ANKS1A: variants seen among roughly 807,000 people sequenced by gnomAD.
The protein encoded by ANKS1A is ankyrin repeat and sterile alpha motif domain containing 1A.
In ANKS1A, 55 loss-of-function variants were observed where a neutral mutation model predicts 120.3. The observed-to-expected ratio is 0.46, with a 90% CI of 0.37 to 0.57. ANKS1A has a LOEUF of 0.57. Among genes scored for constraint, ANKS1A ranks in the 20% least tolerant of loss-of-function variants. The probability of loss-of-function intolerance (pLI) is 0.00; values close to 1 mark genes in which losing one functional copy is unlikely to be tolerated. For synonymous variants in ANKS1A, 590 were observed against 604.7 expected (o/e 0.98, Z 0.36); for missense variants, 1,123 against 1,480.3 (o/e 0.76, Z 3.96).
In ANKS1A at chr6:34,982,066, C is replaced by A; in HGVS notation, c.732+80C>A. 1.3e-6 allele frequency: 2 copies of A among 1,514,324 alleles called. No individual in the cohort carries two copies. The highest frequency in any genetic ancestry group is 1.8e-6 in the Non-Finnish European group (2 of 1,122,316). 93.8% of individuals were successfully genotyped at this position (1,514,324 alleles called of 1,614,324 possible). ...AAGGCACAAGGACCATGCTGCTGGG[C>A]TGTGCTCTTTATTTAGCACGTTTCA... On this transcript the variant is annotated intron_variant, in intron 4 of 23. Transcript: ENST00000360359. The surrounding 1 kb of genome is among the most constrained non-coding windows in gnomAD (Gnocchi z 4.9).
At chr6:34,893,260 G>A (rs1171328973) in intron 1 of ANKS1A, among the ~76,000 whole-genome samples, 1 of 152,148 alleles carries the variant, frequency 6.6e-6, no homozygotes, top group Non-Finnish European at 1.5e-5. Context: ...CGGTTTTGCT[G>A]TGTTGCACCT....
At position 35,058,769 on chromosome 6, in the gene ANKS1A, A is replaced by G. The variant is rs1193136477; in HGVS notation, c.2078-1378A>G. ...TTCTTTCTTTCATCTGTTCTTGCCC[A>G]CAAGAATCAGAGAAGTAGGTTGGGG... On this transcript the variant is annotated intron_variant, in intron 12 of 23. Transcript: ENST00000360359. The surrounding 1 kb of genome is among the most constrained non-coding windows in gnomAD (Gnocchi z 5.1). 7 of 152,172 alleles carry G rather than the reference A, an allele frequency of 4.6e-5. No individual in the cohort carries two copies. Among genetic ancestry groups the G allele is most frequent in the African/African-American group, 1.7e-4 (7 of 41,402 alleles). The allele number at this position is 152,172 out of a possible 1,614,324, so 9.4% of individuals were successfully genotyped here.
Position 34,982,086 on chromosome 6 carries a change from G to A in ANKS1A, c.732+100G>A. On this transcript the variant is annotated intron_variant, in intron 4 of 23. Transcript: ENST00000360359. The surrounding 1 kb of genome is among the most constrained non-coding windows in gnomAD (Gnocchi z 4.9). ...CTGGGCTGTGCTCTTTATTTAGCACGTTTCACATCATGTTTCAAATGCTTA... is the reference window on the plus strand; with the variant it reads ...CTGGGCTGTGCTCTTTATTTAGCACATTTCACATCATGTTTCAAATGCTTA... 2.2e-6 allele frequency: 3 copies of A among 1,388,784 alleles called. No individual in the cohort carries two copies. Among genetic ancestry groups the A allele is most frequent in the East Asian group, 2.3e-5 (1 of 43,244 alleles). 86.0% of individuals were successfully genotyped at this position (1,388,784 alleles called of 1,614,324 possible). A position where few individuals can be genotyped will look rare whatever the true frequency, so the allele number is the denominator to read the frequency against.
At chr6:34,978,327 C>G (rs959147872) in intron 3 of ANKS1A, among the ~76,000 whole-genome samples, 1 of 152,146 alleles carries the variant, frequency 6.6e-6, no homozygotes, top group African/African-American at 2.4e-5. Context: ...GGGCTATTTC[C>G]TCTCACTCCA....
chr6:35,088,767 C>T lies in ANKS1A; in HGVS notation c.*158C>T. The T allele has an allele frequency of 1.3e-6, 2 of 1,558,336 alleles. No homozygotes were observed. Among genetic ancestry groups the T allele is most frequent in the Non-Finnish European group, 1.7e-6 (2 of 1,155,100 alleles). On this transcript the variant is annotated 3_prime_UTR_variant, in exon 24 of 24. Transcript: ENST00000360359. ...GCCACTTGGCCTGGGCCTGCCACCACCACGTCCTGCAGAACGAGCCCTGCC... is the reference window on the plus strand; with the variant it reads ...GCCACTTGGCCTGGGCCTGCCACCATCACGTCCTGCAGAACGAGCCCTGCC...
At chr6:34,922,323 G>C (rs930554541) in intron 1 of ANKS1A, among the ~76,000 whole-genome samples, 19 of 152,166 alleles carry the variant, frequency 1.2e-4, no homozygotes, top group East Asian at 5.8e-4. Context: ...TGAGGTCATA[G>C]AGCTATTGAG....
chr6:34,991,855 A>G (rs199946096), intron 9 of ANKS1A, among the ~76,000 whole-genome samples: 2 of 11,166 alleles, frequency 1.8e-4, no homozygotes, highest in Non-Finnish European at 2.0e-3. Flanking sequence ...GGAGGAAAGG[A>G]AAAAAAAAAA....
intron 3 of ANKS1A, among the ~76,000 whole-genome samples, chr6:34,975,963 C>T (rs921686776): frequency 1.3e-5 from 2 of 151,590 alleles, no homozygotes; most frequent in African/African-American, 2.4e-5. Flanking sequence ...CATGGTGAAA[C>T]CCCGTGACTA....
At chr6:34,951,163 A>G (rs1770074292) in intron 1 of ANKS1A, among the ~76,000 whole-genome samples, 1 of 152,180 alleles carries the variant, frequency 6.6e-6, no homozygotes, top group Admixed American at 6.5e-5. Context: ...CACACTAGAC[A>G]CTGGTCTCAG....
intron 10 of ANKS1A, chr6:35,005,789 A>G (rs1156391098): frequency 2.2e-6 from 1 of 446,940 alleles, no homozygotes; most frequent in Non-Finnish European, 4.5e-6. Flanking sequence ...ATGGTGGCTC[A>G]TGCCTGTAAT....
intron 2 of ANKS1A, among the ~76,000 whole-genome samples, chr6:34,967,957 A>G (rs1376108549): frequency 6.6e-6 from 1 of 152,044 alleles, no homozygotes; most frequent in African/African-American, 2.4e-5. Flanking sequence ...CAGCCAGAAC[A>G]TAAAGGGGCT....
intron 8 of ANKS1A, among the ~76,000 whole-genome samples, chr6:34,986,426 T>C (rs1772205622): frequency 6.6e-6 from 1 of 152,210 alleles, no homozygotes; most frequent in Non-Finnish European, 1.5e-5. Flanking sequence ...TTTTGAGCAG[T>C]GCCCATTAGC....
Position 35,017,638 on chromosome 6 carries a change from G to T in ANKS1A, c.1589G>T (p.Gly530Val). The change falls in exon 11 of 24, where the codon GGG becomes GTG. Residue 530 changes from glycine (G) to valine (V), a missense_variant. Coordinates refer to ENST00000360359, the MANE Select transcript of ANKS1A (RefSeq NM_015245.3). ...LCTAGQSHPDGSPQQGACHKA... is the reference protein window; with the variant it reads ...LCTAGQSHPDVSPQQGACHKA... The stretch of plus-strand genomic sequence containing the variant: ...ACCGCTGGCCAGAGCCATCCAGACG[G>T]GTCCCCCCAGCAGGGCGCCTGCCAC... 1 of 1,613,610 alleles carries T rather than the reference G, an allele frequency of 6.2e-7. No individual in the cohort carries two copies. The highest frequency in any genetic ancestry group is 8.5e-7 in the Non-Finnish European group (1 of 1,179,844).
rs1774107224 is a variant in ANKS1A, at chr6:35,017,745, G to A, written c.1696G>A (p.Val566Met). 2 of 1,613,982 alleles carry A rather than the reference G, an allele frequency of 1.2e-6. No individual in the cohort carries two copies. The highest frequency in any genetic ancestry group is 1.1e-5 in the South Asian group (1 of 91,090). ...CAGTGCCCTGGACCAGAGCAAGAGAGTGGGCTACCTCACAGGCCTGCCCAC... is the reference window on the plus strand; with the variant it reads ...CAGTGCCCTGGACCAGAGCAAGAGAATGGGCTACCTCACAGGCCTGCCCAC... ...QPSALDQSKR[V>M]GYLTGLPTTN... Residue 566 changes from valine to methionine, a missense_variant, in exon 11 of 24, where the codon GTG (valine) becomes ATG (methionine). By Grantham distance (21) the Val-to-Met change is conservative. Around this residue, in one of 3 missense-constraint regions of ANKS1A, gnomAD observed 904 missense variants for 1,130.4 expected, o/e 0.80. Transcript: ENST00000360359.
intron 7 of ANKS1A, 33 bp from the exon 8 acceptor site, chr6:34,985,049 C>G (rs756236721): frequency 6.3e-7 from 1 of 1,590,102 alleles, no homozygotes; most frequent in Non-Finnish European, 8.6e-7. Context: ...TGCTCCCCTT[C>G]AGTGACTCTC....
chr6:35,004,513 A>G (rs545197549), intron 10 of ANKS1A, among the ~76,000 whole-genome samples: 3 of 152,174 alleles, frequency 2.0e-5, no homozygotes, highest in African/African-American at 7.2e-5. Flanking sequence ...TCTTATTAGT[A>G]TATGCTCACT....
intron 1 of ANKS1A, among the ~76,000 whole-genome samples, chr6:34,914,324 G>A (rs1001945242): frequency 6.6e-6 from 1 of 152,120 alleles, no homozygotes; most frequent in African/African-American, 2.4e-5. Flanking sequence ...CTTACACTGG[G>A]CTATTTTATT....
chr6:35,088,717 C>T lies in ANKS1A; in HGVS notation c.*108C>T, dbSNP rs527802879. The T allele has an allele frequency of 1.2e-6, 2 of 1,609,828 alleles. No homozygotes were observed. The highest frequency in any genetic ancestry group is 2.7e-5 in the African/African-American group (2 of 74,890). On this transcript the variant is annotated 3_prime_UTR_variant, in exon 24 of 24. Transcript: ENST00000360359. ...TGCAGCTCTGAAGACCCAGGCCTCA[C>T]CTCCGCCTGCAGGACCTCCTCTTGG...
In ANKS1A at chr6:35,084,806, G is replaced by A. The variant is rs1211308261; in HGVS notation, c.3132+548G>A. On this transcript the variant is annotated intron_variant, in intron 21 of 23. Coordinates refer to ENST00000360359, the MANE Select transcript of ANKS1A (RefSeq NM_015245.3). The surrounding 1 kb of genome is among the most constrained non-coding windows in gnomAD (Gnocchi z 4.8). ...TTCCCTCAAATTCCTGCTGAGGCTC[G>A]GCTCTGGATGCCACTGGGCCGAGGA... 3.3e-5 allele frequency among the ~76,000 whole-genome samples: 5 copies of A among 152,140 alleles called. No homozygotes were observed. The highest frequency in any genetic ancestry group is 3.9e-4 in the East Asian group (2 of 5,184).
Sources: gnomAD v4.1 joint callset for allele counts (sites outside exome capture counted in the v4.1 genomes callset) on GRCh38, gnomAD v4.1.1 for gene constraint, gnomAD v4.1.1 regional missense constraint, Gnocchi (gnomAD v3.1) non-coding constraint, MANE v1.5 for transcripts, NCBI Gene and HGNC (gene_info 2026-07-23, HGNC 2026-07-21) for gene names.